The following XYLT1 variants were observed in gnomAD, a reference collection of about 807,000 sequenced individuals.
XYLT1 encodes beta-D-xylosyltransferase 1.
In XYLT1, 36 loss-of-function variants were observed where a neutral mutation model predicts 91.3. That is an observed-to-expected ratio of 0.39 (90% CI 0.30 to 0.52). XYLT1 has a LOEUF of 0.52. Ranked by LOEUF, XYLT1 falls within the 20% of genes least tolerant of loss-of-function variation. The pLI is 0.68. For synonymous variants in XYLT1, 588 were observed against 532.0 expected (o/e 1.11, Z -1.45); for missense variants, 1,242 against 1,284.5 (o/e 0.97, Z 0.51).
At chr16:17,359,585 G>T (rs1191811261) in intron 1 of XYLT1, among the ~76,000 whole-genome samples, 4 of 152,150 alleles carry the variant, frequency 2.6e-5, no homozygotes, top group Non-Finnish European at 4.4e-5. Flanking sequence ...TAACTGAAAG[G>T]AAACTGCCAA....
At chr16:17,327,452 C>T (rs374387929) in intron 2 of XYLT1, among the ~76,000 whole-genome samples, 2 of 150,352 alleles carry the variant, frequency 1.3e-5, no homozygotes, top group Admixed American at 6.6e-5. Context: ...AAGCTCCGCC[C>T]CCCGGGTTCA....
chr16:17,194,968 C>T (rs937856408), intron 5 of XYLT1, among the ~76,000 whole-genome samples: 26 of 152,230 alleles, frequency 1.7e-4, no homozygotes, highest in African/African-American at 6.0e-4. Flanking sequence ...AAACTCACTT[C>T]TCCTCATTCT....
Position 17,308,003 on chromosome 16 carries a change from C to T in XYLT1, c.403-48505G>A, listed in dbSNP as rs572598734. ...CTATGGACTGCAGATCCATTCCCCACTCTCCATGATCTGCAGTGTATGCTG... is the reference window on the plus strand; with the variant it reads ...CTATGGACTGCAGATCCATTCCCCATTCTCCATGATCTGCAGTGTATGCTG... On this transcript the variant is annotated intron_variant, in intron 2 of 11. Coordinates refer to ENST00000261381, the MANE Select transcript of XYLT1 (RefSeq NM_022166.4). 3.3e-5 allele frequency among the ~76,000 whole-genome samples: 5 copies of T among 152,326 alleles called. No individual in the cohort carries two copies. In the South Asian group the frequency reaches 1.0e-3, roughly 32 times the overall value.
intron 5 of XYLT1, among the ~76,000 whole-genome samples, chr16:17,171,941 A>G (rs1215645813): frequency 6.6e-6 from 1 of 152,240 alleles, no homozygotes; most frequent in Non-Finnish European, 1.5e-5. Flanking sequence ...ACTCAATAGC[A>G]GAACTGGCTG....
In XYLT1 at chr16:17,200,658, G is replaced by C; in HGVS notation, c.914-4C>G. On this transcript the variant is annotated splice_region_variant and splice_polypyrimidine_tract_variant and intron_variant, in intron 3 of 11. Coordinates refer to ENST00000261381, the MANE Select transcript of XYLT1 (RefSeq NM_022166.4). ...TGCACGTTCTTGTTGGCTTTACCTGGGGAAAATCCAAGAGAACAGAGAGGA... is the reference window on the plus strand; with the variant it reads ...TGCACGTTCTTGTTGGCTTTACCTGCGGAAAATCCAAGAGAACAGAGAGGA... The C allele has an allele frequency of 1.2e-6, 2 of 1,611,590 alleles. No homozygotes were observed. The highest frequency in any genetic ancestry group is 1.7e-6 in the Non-Finnish European group (2 of 1,177,908).
At chr16:17,380,567 G>A (rs946785877) in intron 1 of XYLT1, among the ~76,000 whole-genome samples, 5 of 152,174 alleles carry the variant, frequency 3.3e-5, no homozygotes, top group Non-Finnish European at 4.4e-5. Flanking sequence ...CACAGATGGA[G>A]GGATAATAAG....
chr16:17,429,523 C>T (rs188449600), intron 1 of XYLT1, among the ~76,000 whole-genome samples: 67 of 152,266 alleles, frequency 4.4e-4, no homozygotes, highest in Non-Finnish European at 7.9e-4. Flanking sequence ...AAAGTGGCAG[C>T]GAGGATGGTT....
At chr16:17,161,426 G>T (rs981262429) in intron 5 of XYLT1, among the ~76,000 whole-genome samples, 19 of 152,126 alleles carry the variant, frequency 1.2e-4, no homozygotes, top group African/African-American at 3.9e-4. Flanking sequence ...GGGGCGGGGG[G>T]ACCCCTGCCT....
At chr16:17,350,075 T>C (rs568052784) in intron 2 of XYLT1, among the ~76,000 whole-genome samples, 1 of 152,150 alleles carries the variant, frequency 6.6e-6, no homozygotes, top group East Asian at 1.9e-4. Context: ...GGGGTTTCAC[T>C]GTGTTAGCCA....
intron 1 of XYLT1, among the ~76,000 whole-genome samples, chr16:17,443,779 T>G (rs1188570986): frequency 6.6e-6 from 1 of 152,234 alleles, no homozygotes; most frequent in Non-Finnish European, 1.5e-5. Context: ...CACCTCTTTC[T>G]GTTCCAGGAT....
intron 1 of XYLT1, among the ~76,000 whole-genome samples, chr16:17,451,140 G>C (rs1030152573): frequency 2.0e-5 from 3 of 152,114 alleles, no homozygotes; most frequent in African/African-American, 4.8e-5. Context: ...TCCAAATCTT[G>C]CAATTTCTAA....
At chr16:17,318,275 ACCACTG>A (rs2141827591) in intron 2 of XYLT1, among the ~76,000 whole-genome samples, 1 of 152,312 alleles carries the variant, frequency 6.6e-6, no homozygotes, top group South Asian at 2.1e-4. Flanking sequence ...GGGGCTCTTA[ACCACTG>A]AGCTACACAG....
rs574737971 is a variant in XYLT1, at chr16:17,389,532, C to T, written c.364-31482G>A. Reference sequence around the variant, plus strand: ...TGTCTTGCAAATAAATATGCAGCCCCGGAGTGGATCTGTTTAGCCAGCCAG... The same window carrying T: ...TGTCTTGCAAATAAATATGCAGCCCTGGAGTGGATCTGTTTAGCCAGCCAG... On this transcript the variant is annotated intron_variant, in intron 1 of 11. Coordinates refer to ENST00000261381, the MANE Select transcript of XYLT1 (RefSeq NM_022166.4). Among the ~76,000 whole-genome samples, 68 of 152,284 alleles carry T rather than the reference C, an allele frequency of 4.5e-4. 2 individuals are homozygous for T. In the South Asian group the frequency reaches 0.013, roughly 28 times the overall value.
chr16:17,111,288 G>GTGAA (rs1281461696), intron 11 of XYLT1, among the ~76,000 whole-genome samples: 1 of 152,192 alleles, frequency 6.6e-6, no homozygotes, highest in African/African-American at 2.4e-5. Flanking sequence ...GCAATTTGGG[G>GTGAA]TGAAGGAAAG....
intron 2 of XYLT1, among the ~76,000 whole-genome samples, chr16:17,329,815 C>A (rs2034868437): frequency 6.6e-6 from 1 of 152,186 alleles, no homozygotes; most frequent in Non-Finnish European, 1.5e-5. Context: ...TGGATCCCAC[C>A]TTGGTGACAT....
intron 3 of XYLT1, among the ~76,000 whole-genome samples, chr16:17,246,113 A>G (rs375741744): frequency 6.6e-6 from 1 of 152,218 alleles, no homozygotes; most frequent in Admixed American, 6.5e-5. Context: ...CACTGGAACC[A>G]AAGTCTCTGA....
chr16:17,470,451 G>A lies in XYLT1; in HGVS notation c.346C>T (p.Leu116=). The A allele has an allele frequency of 2.4e-6, 3 of 1,231,716 alleles. No individual in the cohort carries two copies. The highest frequency in any genetic ancestry group is 3.0e-6 in the Non-Finnish European group (3 of 987,634). The allele number at this position is 1,231,716 out of a possible 1,614,324, so 76.3% of individuals were successfully genotyped here. ...RGQQPASRGA[L]PARALDPHPS... Reference sequence around the variant, plus strand: ...CATCTTACCAGAGCCCGGGCGGGCAGTGCCCCCCGGCTGGCCGGCTGCTGT... The same window carrying A: ...CATCTTACCAGAGCCCGGGCGGGCAATGCCCCCCGGCTGGCCGGCTGCTGT... Residue 116 remains leucine, a synonymous_variant, in exon 1 of 12, where the codon CTG becomes TTG. Transcript: ENST00000261381.
chr16:17,306,197 T>C lies in XYLT1; in HGVS notation c.403-46699A>G, dbSNP rs1300899599. Among the ~76,000 whole-genome samples the C allele has an allele frequency of 5.3e-5, 8 of 152,134 alleles. No individual in the cohort carries two copies. The East Asian group carries it at 1.4e-3, about 26-fold the overall frequency. The stretch of plus-strand genomic sequence containing the variant: ...GAGCCACAGTCTGTGTGTACTCAGA[T>C]TGGGAGAATGCAAATATAAGCGGTT... On this transcript the variant is annotated intron_variant, in intron 2 of 11. Coordinates refer to ENST00000261381, the MANE Select transcript of XYLT1 (RefSeq NM_022166.4).
chr16:17,294,873 C>A (rs1567360897), intron 2 of XYLT1, among the ~76,000 whole-genome samples: 1 of 152,098 alleles, frequency 6.6e-6, no homozygotes, highest in Non-Finnish European at 1.5e-5. Context: ...TACTAGATGA[C>A]AATTCCATAA....
Sources: gnomAD v4.1 joint callset for allele counts (sites outside exome capture counted in the v4.1 genomes callset) on GRCh38, gnomAD v4.1.1 for gene constraint, MANE v1.5 for transcripts, NCBI Gene and HGNC (gene_info 2026-07-23, HGNC 2026-07-21) for gene names.